Variants in PCNT observed in about 807,000 individuals in gnomAD.
The protein encoded by PCNT is kendrin.
PCNT carries 319 observed loss-of-function variants against 380.4 expected under a neutral mutation model. That is an observed-to-expected ratio of 0.84 (90% CI 0.77 to 0.92). The LOEUF is 0.92. Ranked by LOEUF, PCNT falls within the 40% of genes least tolerant of loss-of-function variation. The probability of loss-of-function intolerance (pLI) is 0.00; values close to 1 mark genes in which losing one functional copy is unlikely to be tolerated. For missense variants in PCNT, 4,400 were observed against 4,255.3 expected, an observed-to-expected ratio of 1.03 and a Z score of -0.95; for synonymous variants, 1,845 against 1,735.2, an observed-to-expected ratio of 1.06 and a Z score of -1.57.
intron 34 of PCNT, 124 bp from the exon 35 acceptor site, chr21:46,428,271 T>TGCA: frequency 2.3e-6 from 2 of 863,528 alleles, no homozygotes; most frequent in Non-Finnish European, 3.8e-6. Context: ...GCAGATACTG[T>TGCA]GCACCCATCC....
chr21:46,335,577 C>T (rs557625130), intron 3 of PCNT, among the ~76,000 whole-genome samples: 1 of 146,076 alleles, frequency 6.8e-6, no homozygotes, highest in East Asian at 2.0e-4. Flanking sequence ...GCCTGGGAGA[C>T]AGACCGAGAT....
At chr21:46,364,742 C>T (rs1302333996) in intron 14 of PCNT, among the ~76,000 whole-genome samples, 2 of 152,216 alleles carry the variant, frequency 1.3e-5, no homozygotes, top group Admixed American at 1.3e-4. Flanking sequence ...GTCTGCCCCA[C>T]CCAGCCCTTC....
chr21:46,328,530 G>A (rs990513137), intron 2 of PCNT, among the ~76,000 whole-genome samples: 3 of 151,736 alleles, frequency 2.0e-5, no homozygotes, highest in Non-Finnish European at 2.9e-5. Flanking sequence ...GTGCAGTCCT[G>A]GCTCACTGTA....
In PCNT at chr21:46,353,061, G is replaced by A. The variant is rs529217690; in HGVS notation, c.1457-43G>A. Reference sequence around the variant, plus strand: ...TTGCCTCTCGCCTGGCTTGTTGTGGGTGTCCCATTTTAAGACGATTGCCTG... The same window carrying A: ...TTGCCTCTCGCCTGGCTTGTTGTGGATGTCCCATTTTAAGACGATTGCCTG... On this transcript the variant is annotated intron_variant, in intron 9 of 46. Coordinates refer to ENST00000359568, the MANE Select transcript of PCNT (RefSeq NM_006031.6). The A allele has an allele frequency of 6.6e-6, 10 of 1,520,474 alleles. No homozygotes were observed. The African/African-American group carries it at 8.2e-5, about 12-fold the overall frequency. The allele number at this position is 1,520,474 out of a possible 1,614,324, so 94.2% of individuals were successfully genotyped here.
Position 46,391,300 on chromosome 21 carries a change from G to C in PCNT, c.4140G>C (p.Ala1380=), listed in dbSNP as rs372175239. The C allele has an allele frequency of 1.3e-6, 2 of 1,573,268 alleles. No individual in the cohort carries two copies. The highest frequency in any genetic ancestry group is 3.8e-5 in the Admixed American group (2 of 53,116). Residue 1380 remains alanine, a synonymous_variant, in exon 21 of 47, where the codon GCG becomes GCC. Transcript: ENST00000359568. ...RQLQQAAQEQ[A]ALREECTRLW... is the part of the protein sequence containing the mutation. ...TGCAGCAGGCGGCCCAGGAGCAGGC[G>C]GCGCTGAGGGAGGAGTGCACCCGTC...
chr21:46,354,172 T>A, intron 11 of PCNT, 104 bp downstream of exon 11: 1 of 1,048,092 alleles, frequency 9.5e-7, no homozygotes, highest in Non-Finnish European at 1.5e-6. Context: ...TCCCACCTTG[T>A]CCAGGGGAGG....
chr21:46,325,113 G>C (rs2083330601), intron 1 of PCNT: 2 of 985,396 alleles, frequency 2.0e-6, no homozygotes, highest in East Asian at 1.1e-4. Flanking sequence ...CCTAGGTTTC[G>C]TGGGAATAAA....
At chr21:46,395,375 A>G (rs9680385) in intron 21 of PCNT, among the ~76,000 whole-genome samples, 3 of 152,142 alleles carry the variant, frequency 2.0e-5, no homozygotes, top group South Asian at 2.1e-4. Context: ...AGAAATAATT[A>G]TAATAAAATA....
chr21:46,403,386 T>C, intron 27 of PCNT, among the ~76,000 whole-genome samples: 1 of 144,288 alleles, frequency 6.9e-6, no homozygotes, highest in African/African-American at 2.6e-5. Context: ...GGGAGAATTG[T>C]GTGTGTGGTG....
In PCNT at chr21:46,339,220, T is replaced by A. The variant is rs564964134; in HGVS notation, c.639+4452T>A. Among the ~76,000 whole-genome samples the A allele has an allele frequency of 3.3e-5, 5 of 152,314 alleles. No homozygotes were observed. The South Asian group carries it at 1.0e-3, about 32-fold the overall frequency. ...TGTGAACAACTGTGCCTGGCCTGTT[T>A]TTATTTCCCTTCTTGAAAGCCTGGC... On this transcript the variant is annotated intron_variant, in intron 3 of 46. Transcript: ENST00000359568.
rs1348117830 is a variant in PCNT at position 46,388,262 on chromosome 21, G to A, written c.3465-480G>A. On this transcript the variant is annotated intron_variant, in intron 17 of 46. Transcript: ENST00000359568. This position sits in a 1 kb window ranked among gnomAD's most constrained non-coding sequence, Gnocchi z 4.2. ...AGACCGCACGTCCACGAGGCCTAGC[G>A]AGAGGCTGGGAGACACCATCCTCTT... Among the ~76,000 whole-genome samples the A allele has an allele frequency of 1.3e-5, 2 of 151,712 alleles. No homozygotes were observed. The highest frequency in any genetic ancestry group is 6.6e-5 in the Admixed American group (1 of 15,256).
At chr21:46,330,076 C>G (rs2083508994) in intron 2 of PCNT, among the ~76,000 whole-genome samples, 1 of 152,158 alleles carries the variant, frequency 6.6e-6, no homozygotes, top group South Asian at 2.1e-4. Context: ...GCTAAACATG[C>G]AGTCATCAGG....
At position 46,363,927 on chromosome 21, in the gene PCNT, C is replaced by A; in HGVS notation, c.2602C>A (p.Arg868=). 6.2e-7 allele frequency: 1 copy of A among 1,606,802 alleles called. No homozygotes were observed. The highest frequency in any genetic ancestry group is 8.5e-7 in the Non-Finnish European group (1 of 1,179,762). ...CTGCGCCCTGCAGCTGATGCTGGCCCGGAGCAGGTGGGTTTGCAGTGACGC... is the reference window on the plus strand; with the variant it reads ...CTGCGCCCTGCAGCTGATGCTGGCCAGGAGCAGGTGGGTTTGCAGTGACGC... ...EDCALQLMLA[R]SRFLEERKEI... The change falls in exon 14 of 47, where the codon CGG becomes AGG. Residue 868 remains arginine, a synonymous_variant. Transcript: ENST00000359568.
intron 15 of PCNT, among the ~76,000 whole-genome samples, chr21:46,368,762 T>TA (rs1281689738): frequency 6.6e-6 from 1 of 152,190 alleles, no homozygotes; most frequent in Non-Finnish European, 1.5e-5. Flanking sequence ...GGATGGGGCA[T>TA]GGGCTAGAGC....
chr21:46,441,113 T>C, intron 43 of PCNT, 29 bp downstream of exon 43: 1 of 1,401,682 alleles, frequency 7.1e-7, no homozygotes, highest in East Asian at 2.3e-5. Context: ...AGTCAGTGCG[T>C]TCCGCGTCTG....
At position 46,431,999 on chromosome 21, in the gene PCNT, G is replaced by A. The variant is rs1365531045; in HGVS notation, c.8535G>A (p.Ser2845=). Residue 2845 remains serine (S), a synonymous_variant, in exon 38 of 47, where the codon TCG becomes TCA. Coordinates refer to ENST00000359568, the MANE Select transcript of PCNT (RefSeq NM_006031.6). ...REKEVSATLK[S]TVEALHTQKR... ...AGGAGGTAAGTGCCACACTGAAGTC[G>A]ACGGTGGAAGCCCTGCACACCCAAA... 4.3e-6 allele frequency: 7 copies of A among 1,613,918 alleles called. No homozygotes were observed. The highest frequency in any genetic ancestry group is 2.2e-5 in the East Asian group (1 of 44,886).
chr21:46,437,250 C>T (rs2053485983), intron 40 of PCNT, among the ~76,000 whole-genome samples, 169 bp downstream of exon 40: 2 of 151,872 alleles, frequency 1.3e-5, no homozygotes, highest in South Asian at 2.1e-4. Flanking sequence ...CCCTGTGGGC[C>T]GAGTGGGGAC....
intron 15 of PCNT, among the ~76,000 whole-genome samples, chr21:46,375,669 G>A (rs572530082): frequency 2.5e-4 from 38 of 152,310 alleles, no homozygotes; most frequent in African/African-American, 8.4e-4. Context: ...TGGCCGAGCC[G>A]AGGCCCTGGG....
Position 46,391,189 on chromosome 21 carries a change from G to A in PCNT, c.4029G>A (p.Glu1343=), listed in dbSNP as rs745563774. The A allele has an allele frequency of 1.2e-6, 2 of 1,606,534 alleles. No individual in the cohort carries two copies. The highest frequency in any genetic ancestry group is 1.7e-6 in the Non-Finnish European group (2 of 1,176,826). Residue 1343 remains glutamate, a synonymous_variant, in exon 21 of 47, where the codon GAG becomes GAA. Transcript: ENST00000359568. ...GTACCCTTGAGGGATTCAAGGTGGAGACAGCAGATCTGAAGGAGGTGCTGG... is the reference window on the plus strand; with the variant it reads ...GTACCCTTGAGGGATTCAAGGTGGAAACAGCAGATCTGAAGGAGGTGCTGG... The part of the protein sequence containing the change: ...TQGTLEGFKV[E]TADLKEVLAG...
Sources: gnomAD v4.1 joint callset for allele counts (sites outside exome capture counted in the v4.1 genomes callset) on GRCh38, gnomAD v4.1.1 for gene constraint, Gnocchi (gnomAD v3.1) non-coding constraint, MANE v1.5 for transcripts, NCBI Gene and HGNC (gene_info 2026-07-23, HGNC 2026-07-21) for gene names.